The following GALNT13 variants were observed in gnomAD, a reference collection of about 807,000 sequenced individuals.
The protein encoded by GALNT13 is polypeptide N-acetylgalactosaminyltransferase 13.
A neutral mutation model predicts 64.2 loss-of-function variants in GALNT13; 28 were observed. That is an observed-to-expected ratio of 0.44 (90% CI 0.32 to 0.60). The LOEUF is 0.60. Ranked by LOEUF, GALNT13 falls within the 20% of genes least tolerant of loss-of-function variation. GALNT13 has a pLI of 0.05. For synonymous variants in GALNT13, 214 were observed against 224.6 expected (o/e 0.95, Z 0.42); for missense variants, 577 against 669.8 (o/e 0.86, Z 1.53).
chr2:153,079,530 T>A, the GALNT13 span, among the ~76,000 whole-genome samples: 2 of 152,206 alleles, frequency 1.3e-5, no homozygotes, highest in East Asian at 3.8e-4. Context: ...CTGAATCAGT[T>A]TGACAAGGAA....
the GALNT13 span, among the ~76,000 whole-genome samples, chr2:153,441,544 G>A: frequency 6.6e-6 from 1 of 152,138 alleles, no homozygotes; most frequent in Non-Finnish European, 1.5e-5. Flanking sequence ...TGGGCAGTAT[G>A]GCCATTTTCA....
chr2:153,721,817 G>A, the GALNT13 span, among the ~76,000 whole-genome samples: 5 of 151,730 alleles, frequency 3.3e-5, no homozygotes, highest in South Asian at 1.0e-3. Flanking sequence ...CAAGTCCTGA[G>A]TGACCTACAA....
the GALNT13 span, among the ~76,000 whole-genome samples, chr2:153,078,749 G>T: frequency 3.3e-5 from 5 of 152,006 alleles, no homozygotes; most frequent in Admixed American, 6.6e-5. Flanking sequence ...CTTTAAATAA[G>T]ATGCTCTCAT....
chr2:153,929,740 G>A (rs985517607), intron 2 of GALNT13, among the ~76,000 whole-genome samples: 2 of 152,006 alleles, frequency 1.3e-5, no homozygotes, highest in Non-Finnish European at 2.9e-5. Flanking sequence ...TCTTTATTTA[G>A]TCTACCAGTG....
chr2:153,815,907 G>A, the GALNT13 span, among the ~76,000 whole-genome samples: 1 of 152,024 alleles, frequency 6.6e-6, no homozygotes, highest in Admixed American at 6.6e-5. Flanking sequence ...CTACATCCTA[G>A]GATATGTATA....
At chr2:153,512,248 A>G in the GALNT13 span, among the ~76,000 whole-genome samples, 2 of 152,184 alleles carry the variant, frequency 1.3e-5, no homozygotes, top group African/African-American at 4.8e-5. Flanking sequence ...GACTGCCACA[A>G]AGCAATGTGG....
intron 4 of GALNT13, among the ~76,000 whole-genome samples, chr2:154,160,481 A>C (rs1039656513): frequency 2.0e-5 from 3 of 152,100 alleles, no homozygotes; most frequent in Non-Finnish European, 4.4e-5. Flanking sequence ...CCAAATTTGC[A>C]AAGGTACTTC....
chr2:153,199,267 C>T, the GALNT13 span, among the ~76,000 whole-genome samples: 2 of 152,208 alleles, frequency 1.3e-5, no homozygotes, highest in African/African-American at 4.8e-5. Context: ...GGGTGACTAA[C>T]TCGTGTCAGA....
At chr2:154,087,364 T>C (rs996335763) in intron 3 of GALNT13, among the ~76,000 whole-genome samples, 4 of 152,066 alleles carry the variant, frequency 2.6e-5, no homozygotes, top group Non-Finnish European at 4.4e-5. Context: ...GAAGACATGT[T>C]TGTAGAATTC....
intron 3 of GALNT13, among the ~76,000 whole-genome samples, chr2:153,974,974 T>C (rs1053860662): frequency 9.2e-5 from 14 of 152,194 alleles, no homozygotes; most frequent in Middle Eastern, 3.4e-3. Context: ...GTGTATTATA[T>C]GGGTAGCATC....
At chr2:154,414,696 T>C (rs1216088698) in intron 11 of GALNT13, among the ~76,000 whole-genome samples, 1 of 151,930 alleles carries the variant, frequency 6.6e-6, no homozygotes, top group Non-Finnish European at 1.5e-5. Flanking sequence ...TTGAAAGGGG[T>C]CTTTTTTCTC....
chr2:153,824,738 G>A, the GALNT13 span, among the ~76,000 whole-genome samples: 1 of 152,058 alleles, frequency 6.6e-6, no homozygotes, highest in Non-Finnish European at 1.5e-5. Flanking sequence ...GGAGGTGATT[G>A]GATCATGGGG....
At chr2:154,332,716 C>T (rs151023290) in intron 9 of GALNT13, among the ~76,000 whole-genome samples, 398 of 152,136 alleles carry the variant, frequency 2.6e-3, no homozygotes, top group African/African-American at 9.2e-3. Context: ...GCCAGTGCCT[C>T]CTCTTTCCCA....
At chr2:153,425,707 G>A in the GALNT13 span, among the ~76,000 whole-genome samples, 1 of 151,716 alleles carries the variant, frequency 6.6e-6, no homozygotes, top group Non-Finnish European at 1.5e-5. Context: ...AAAGTAAATA[G>A]TTATTCTTGA....
intron 8 of GALNT13, among the ~76,000 whole-genome samples, chr2:154,290,340 C>T (rs564208398): frequency 2.0e-5 from 3 of 152,318 alleles, no homozygotes; most frequent in African/African-American, 7.2e-5. Context: ...AGAAATTTAT[C>T]TCAAAAGCAA....
chr2:153,233,447 G>A, the GALNT13 span, among the ~76,000 whole-genome samples: 1 of 151,254 alleles, frequency 6.6e-6, no homozygotes, highest in Non-Finnish European at 1.5e-5. Flanking sequence ...ACCCATTCGT[G>A]CCTTTAGAGC....
intron 3 of GALNT13, among the ~76,000 whole-genome samples, chr2:154,072,985 C>T (rs556374999): frequency 6.6e-6 from 1 of 152,092 alleles, no homozygotes; most frequent in Admixed American, 6.6e-5. Context: ...CCCTTAAACC[C>T]TTTCTGAAGG....
At chr2:153,587,038 C>A in the GALNT13 span, among the ~76,000 whole-genome samples, 3 of 151,854 alleles carry the variant, frequency 2.0e-5, no homozygotes, top group Non-Finnish European at 4.4e-5. Context: ...TTGAGACCAG[C>A]CTGGCCAATG....
chr2:153,939,353 G>C (rs1691177631), intron 2 of GALNT13, among the ~76,000 whole-genome samples: 1 of 152,196 alleles, frequency 6.6e-6, no homozygotes, highest in Non-Finnish European at 1.5e-5. Flanking sequence ...TGTGAACATG[G>C]TAGGAAATGA....
Sources: gnomAD v4.1 joint callset for allele counts (sites outside exome capture counted in the v4.1 genomes callset) on GRCh38, gnomAD v4.1.1 for gene constraint, MANE v1.5 for transcripts, NCBI Gene and HGNC (gene_info 2026-07-23, HGNC 2026-07-21) for gene names.